Variants in MYH10 observed in about 807,000 individuals in gnomAD.
MYH10 encodes the protein myosin-10.
A neutral mutation model predicts 257.8 loss-of-function variants in MYH10; 55 were observed. That is an observed-to-expected ratio of 0.21 (90% CI 0.17 to 0.27). The LOEUF is 0.27. Among genes scored for constraint, MYH10 ranks in the 10% least tolerant of loss-of-function variants. The pLI, the probability that MYH10 is intolerant of heterozygous loss-of-function variation, is 1.00. For synonymous variants in MYH10, 854 were observed against 921.7 expected (o/e 0.93, Z 1.33); for missense variants, 1,631 against 2,500.6 (o/e 0.65, Z 7.42).
rs151323632 is a variant in MYH10, at chr17:8,500,137, C to T, written c.3745-661G>A. On this transcript the variant is annotated intron_variant, in intron 29 of 42. Coordinates refer to ENST00000360416, the MANE Select transcript of MYH10 (RefSeq NM_001256012.3). ...GTACTTGACACAAACATAAATGTTC[C>T]GTAAATGCTAATATTGTCATTGTCT... 2.5e-4 allele frequency among the ~76,000 whole-genome samples: 38 copies of T among 152,218 alleles called. 1 individual carries two copies. Among genetic ancestry groups the T allele is most frequent in the South Asian group, 2.5e-3 (12 of 4,822 alleles).
chr17:8,571,179 G>T lies in MYH10; in HGVS notation c.664-1367C>A, dbSNP rs7215721. On this transcript the variant is annotated intron_variant, in intron 6 of 42. Transcript: ENST00000360416. Reference sequence around the variant, plus strand: ...AGACTATTTTTCCTGTAAAGTTTTTGTTTTTTTTTTTTTGAGACGGAGACT... The same window carrying T: ...AGACTATTTTTCCTGTAAAGTTTTTTTTTTTTTTTTTTTGAGACGGAGACT... 6.6e-4 allele frequency among the ~76,000 whole-genome samples: 96 copies of T among 144,658 alleles called. 4 individuals carry two copies. Among genetic ancestry groups the T allele is most frequent in the Middle Eastern group, 3.5e-3 (1 of 286 alleles). The allele number at this position is 144,658 out of a possible 152,430, so 94.9% of individuals were successfully genotyped here. A position where few individuals can be genotyped will look rare whatever the true frequency, so the allele number is the denominator to read the frequency against.
intron 4 of MYH10, among the ~76,000 whole-genome samples, chr17:8,579,738 C>T (rs2083633029): frequency 6.6e-6 from 1 of 152,172 alleles, no homozygotes; most frequent in African/African-American, 2.4e-5. Flanking sequence ...TTTCTGGCAA[C>T]CAAGATTACA....
intron 11 of MYH10, among the ~76,000 whole-genome samples, chr17:8,547,969 C>T (rs1352019600): frequency 6.6e-6 from 1 of 151,870 alleles, no homozygotes; most frequent in Non-Finnish European, 1.5e-5. Context: ...TTTGGCAATA[C>T]TGGGCCTGTA....
At chr17:8,605,097 G>T in intron 2 of MYH10, 115 bp from the exon 3 acceptor site, 1 of 537,276 alleles carries the variant, frequency 1.9e-6, no homozygotes, top group Non-Finnish European at 3.0e-6. Context: ...TTACCTTTTG[G>T]ATAATTAATC....
At chr17:8,585,539 A>G (rs1033864533) in intron 4 of MYH10, among the ~76,000 whole-genome samples, 2 of 151,906 alleles carry the variant, frequency 1.3e-5, no homozygotes, top group African/African-American at 2.4e-5. Flanking sequence ...GGAACATATC[A>G]TATTTTCCTA....
rs1208181695 is a variant in MYH10, at chr17:8,569,868, TTACTC to T, written c.664-61_664-57del. ...GCAGATGTACGTTAATCTAATGTCTTTACTCAAGTCATCAGGGGAAAAATTTCTAA... is the reference window on the plus strand; with the variant it reads ...GCAGATGTACGTTAATCTAATGTCTTAAGTCATCAGGGGAAAAATTTCTAA... On this transcript the variant is annotated intron_variant, in intron 6 of 42. Transcript: ENST00000360416. The surrounding 1 kb of genome is among the most constrained non-coding windows in gnomAD (Gnocchi z 4.1). The T allele has an allele frequency of 7.2e-5, 93 of 1,284,050 alleles. No individual in the cohort carries two copies. Among genetic ancestry groups the T allele is most frequent in the Non-Finnish European group, 9.3e-5 (86 of 926,424 alleles). 79.5% of individuals were successfully genotyped at this position (1,284,050 alleles called of 1,614,324 possible). A position where few individuals can be genotyped will look rare whatever the true frequency, so the allele number is the denominator to read the frequency against.
chr17:8,489,396 A>C (rs1915384388), intron 35 of MYH10, among the ~76,000 whole-genome samples: 1 of 152,176 alleles, frequency 6.6e-6, no homozygotes, highest in South Asian at 2.1e-4. Context: ...TAACAAAATA[A>C]AGCAAAATTC....
Position 8,548,334 on chromosome 17 carries a change from C to T in MYH10, c.1138G>A (p.Ala380Thr), listed in dbSNP as rs758741633. The T allele has an allele frequency of 6.2e-7, 1 of 1,612,022 alleles. No individual in the cohort carries two copies. Among genetic ancestry groups the T allele is most frequent in the South Asian group, 1.1e-5 (1 of 90,894 alleles). ...SFKKERNTDQASMPENTVAQK... is the reference protein window; with the variant it reads ...SFKKERNTDQTSMPENTVAQK... ...TTACCTGTATTTTCTGGCATGGAAG[C>T]TTGATCAGTATTTCTCTCCTTTTTG... Residue 380 changes from alanine (A) to threonine (T), a missense_variant, in exon 11 of 43, where the codon GCT (alanine) becomes ACT (threonine). By Grantham distance (58) the Ala-to-Thr change is moderately conservative. Transcript: ENST00000360416.
At chr17:8,559,680 T>C (rs1442973448) in intron 7 of MYH10, among the ~76,000 whole-genome samples, 2 of 152,180 alleles carry the variant, frequency 1.3e-5, no homozygotes, top group East Asian at 1.9e-4. Context: ...CTTCATTCTA[T>C]TTTAAAAATA....
intron 42 of MYH10, among the ~76,000 whole-genome samples, chr17:8,476,220 G>A (rs953987682): frequency 2.5e-4 from 38 of 152,222 alleles, no homozygotes; most frequent in African/African-American, 8.2e-4. Flanking sequence ...TAAGGAAGAC[G>A]GATTAAGGCC....
Position 8,545,314 on chromosome 17 carries a change from T to C in MYH10, c.1431+134A>G, listed in dbSNP as rs935043200. 4.3e-6 allele frequency: 4 copies of C among 934,818 alleles called. No homozygotes were observed. In the African/African-American group the frequency reaches 5.1e-5, roughly 12 times the overall value. 57.9% of individuals were successfully genotyped at this position (934,818 alleles called of 1,614,324 possible). A position where few individuals can be genotyped will look rare whatever the true frequency, so the allele number is the denominator to read the frequency against. On this transcript the variant is annotated intron_variant, in intron 13 of 42. Coordinates refer to ENST00000360416, the MANE Select transcript of MYH10 (RefSeq NM_001256012.3). This position sits in a 1 kb window ranked among gnomAD's most constrained non-coding sequence, Gnocchi z 4.7. Reference sequence around the variant, plus strand: ...GGATTCACTGATTATTTGCCATTTATTGTTTGGCTCTACTAGAATGGCAGG... The same window carrying C: ...GGATTCACTGATTATTTGCCATTTACTGTTTGGCTCTACTAGAATGGCAGG...
intron 24 of MYH10, chr17:8,511,059 T>TATATATATATATAC (rs1222415877): frequency 9.0e-5 from 8 of 88,684 alleles, no homozygotes; most frequent in African/African-American, 4.5e-4. Context: ...TATATATATA[T>TATATATATATATAC]ACACACATAC....
At chr17:8,571,239 A>G (rs1323655137) in intron 6 of MYH10, among the ~76,000 whole-genome samples, 4 of 145,440 alleles carry the variant, frequency 2.8e-5, no homozygotes, top group African/African-American at 1.0e-4. Context: ...CAGTGGCGCG[A>G]TCTCGGCTCA....
intron 7 of MYH10, among the ~76,000 whole-genome samples, chr17:8,556,604 G>A (rs191465163): frequency 6.6e-6 from 1 of 152,216 alleles, no homozygotes; most frequent in East Asian, 1.9e-4. Flanking sequence ...GTGGTTTCAG[G>A]GGCAGGGGCA....
chr17:8,482,827 C>T (rs918546378), intron 37 of MYH10, among the ~76,000 whole-genome samples: 6 of 152,208 alleles, frequency 3.9e-5, no homozygotes, highest in South Asian at 4.1e-4. Context: ...GGCCCAGGAG[C>T]GCTCTCTAGG....
intron 4 of MYH10, among the ~76,000 whole-genome samples, chr17:8,583,384 G>A (rs2083780819): frequency 6.6e-6 from 1 of 151,942 alleles, no homozygotes; most frequent in Non-Finnish European, 1.5e-5. Context: ...AAAGCAAATT[G>A]ACTAAATAGT....
In MYH10 at chr17:8,484,245, G is replaced by A. The variant is rs200040584; in HGVS notation, c.5068C>T (p.Arg1690Cys). 17 of 1,612,490 alleles carry A rather than the reference G, an allele frequency of 1.1e-5. No individual in the cohort carries two copies. The highest frequency in any genetic ancestry group is 3.3e-5 in the South Asian group (3 of 90,712). The change falls in exon 37 of 43, where the codon CGT becomes TGT. Residue 1690 changes from arginine to cysteine, a missense_variant. This residue lies in a region of MYH10 where 463 missense variants were observed against 621.8 expected (regional missense o/e 0.74). Coordinates refer to ENST00000360416, the MANE Select transcript of MYH10 (RefSeq NM_001256012.3). ...GATGCACGAGCTTCTTCTAATTCAC[G>A]TTGGTAATCCTTCATCTGAGCCTAA... ...KLQAQMKDYQ[R>C]ELEEARASRD...
intron 6 of MYH10, chr17:8,573,799 A>G: frequency 2.2e-6 from 2 of 929,190 alleles, no homozygotes; most frequent in Non-Finnish European, 2.6e-6. Flanking sequence ...TGATTTGCTT[A>G]TATTTGTTCA....
rs768622727 is a variant in MYH10 at position 8,506,267 on chromosome 17, T to C, written c.3386+51A>G. The C allele has an allele frequency of 2.0e-6, 3 of 1,516,734 alleles. No homozygotes were observed. The Admixed American group carries it at 7.2e-5, about 36-fold the overall frequency. The allele number at this position is 1,516,734 out of a possible 1,614,324, so 94.0% of individuals were successfully genotyped here. A position where few individuals can be genotyped will look rare whatever the true frequency, so the allele number is the denominator to read the frequency against. On this transcript the variant is annotated intron_variant, in intron 27 of 42. Coordinates refer to ENST00000360416, the MANE Select transcript of MYH10 (RefSeq NM_001256012.3). The surrounding 1 kb of genome is among the most constrained non-coding windows in gnomAD (Gnocchi z 5.0). ...TGCTCCCGAACATAACAAAGTCTGC[T>C]GAAACTCAGCCCCATGGGCTCCCGT...
Sources: gnomAD v4.1 joint callset for allele counts (sites outside exome capture counted in the v4.1 genomes callset) on GRCh38, gnomAD v4.1.1 for gene constraint, gnomAD v4.1.1 regional missense constraint, Gnocchi (gnomAD v3.1) non-coding constraint, MANE v1.5 for transcripts, NCBI Gene and HGNC (gene_info 2026-07-23, HGNC 2026-07-21) for gene names.